Variants in LRRC31 observed in about 807,000 individuals in gnomAD.
The protein encoded by LRRC31 is leucine rich repeat containing 31, also known as leucine-rich repeat-containing protein 31.
In LRRC31, 35 loss-of-function variants were observed where a neutral mutation model predicts 46.7. The ratio of observed to expected loss-of-function variants is 0.75; its 90% CI spans 0.57 to 0.99. The LOEUF is 0.99. Among genes scored for constraint, LRRC31 ranks in the 50% least tolerant of loss-of-function variants. LRRC31 has a pLI of 0.00. For synonymous variants in LRRC31, 236 were observed against 235.1 expected (o/e 1.00, Z -0.03); for missense variants, 613 against 626.1 (o/e 0.98, Z 0.22).
chr3:169,851,017 G>T lies in LRRC31; in HGVS notation c.1159+602C>A, dbSNP rs116014244. ...CAGTAGGTTCCTGATGTAGGCTGGG[G>T]TATATCTGTGACCTTAAGGCATACC... On this transcript the variant is annotated intron_variant, in intron 7 of 8. Transcript: ENST00000316428. Among the ~76,000 whole-genome samples the T allele has an allele frequency of 4.7e-4, 71 of 152,166 alleles. 1 individual carries two copies. The highest frequency in any genetic ancestry group is 1.5e-3 in the African/African-American group (64 of 41,510).
Position 169,856,809 on chromosome 3 carries a change from C to T in LRRC31, c.551G>A (p.Gly184Glu). ...CTGAAGGATCAGAGGCAAATTTCCT[C>T]CCACTTTACTGTTCCAAGACAAATT... ...ELNLSWNSKV[G>E]GNLPLILQKF... Residue 184 changes from glycine to glutamate, a missense_variant, in exon 4 of 9, where the codon GGA becomes GAA. Coordinates refer to ENST00000316428, the MANE Select transcript of LRRC31 (RefSeq NM_024727.4). The T allele has an allele frequency of 6.2e-7, 1 of 1,609,164 alleles. No homozygotes were observed. Among genetic ancestry groups the T allele is most frequent in the South Asian group, 1.1e-5 (1 of 90,000 alleles).
chr3:169,853,130 C>T (rs1780838557), intron 6 of LRRC31: 1 of 743,380 alleles, frequency 1.3e-6, no homozygotes, highest in South Asian at 6.1e-5. Context: ...TCGGTTTACT[C>T]CTGCCCTTGC....
intron 2 of LRRC31, 146 bp downstream of exon 2, chr3:169,861,518 CAAAAAA>C: frequency 1.6e-6 from 1 of 608,648 alleles, no homozygotes; most frequent in Non-Finnish European, 2.5e-6. Context: ...GACTCCGTCT[CAAAAAA>C]AAAAAAAAAG....
At chr3:169,856,040 G>A (rs970216669) in intron 5 of LRRC31, among the ~76,000 whole-genome samples, 2 of 151,348 alleles carry the variant, frequency 1.3e-5, no homozygotes, top group Non-Finnish European at 2.9e-5. Context: ...GTACCACCAC[G>A]CCCAACTAAT....
chr3:169,856,976 C>T, intron 3 of LRRC31, 104 bp from the exon 4 acceptor site: 2 of 1,126,146 alleles, frequency 1.8e-6, no homozygotes, highest in South Asian at 1.7e-5. Context: ...GGAAACTGGG[C>T]CAGGTACTGT....
In LRRC31 at chr3:169,860,585, T is replaced by C; in HGVS notation, c.463A>G (p.Thr155Ala). ...CCCAGTGCTTGAACATCGTCAGTGG[T>C]GAGTCTGCAGCTACCCAGCCTCAAG... The part of the protein sequence containing the change: ...KILRLGSCRL[T>A]TDDVQALGEA... Residue 155 changes from threonine to alanine, a missense_variant, in exon 3 of 9, where the codon ACC becomes GCC. Physicochemically the swap from Thr to Ala is moderately conservative, Grantham distance 58 (BLOSUM62 0). Coordinates refer to ENST00000316428, the MANE Select transcript of LRRC31 (RefSeq NM_024727.4). 6.2e-7 allele frequency: 1 copy of C among 1,614,116 alleles called. No individual in the cohort carries two copies. Among genetic ancestry groups the C allele is most frequent in the Non-Finnish European group, 8.5e-7 (1 of 1,179,996 alleles).
chr3:169,844,148 A>C (rs1267748633), intron 8 of LRRC31, among the ~76,000 whole-genome samples: 1 of 152,214 alleles, frequency 6.6e-6, no homozygotes, highest in African/African-American at 2.4e-5. Flanking sequence ...AGACAAAGAC[A>C]TTATAAGAAA....
At chr3:169,860,505 G>C in intron 3 of LRRC31, 56 bp downstream of exon 3, 11 of 1,578,542 alleles carry the variant, frequency 7.0e-6, no homozygotes, top group Middle Eastern at 3.3e-4. Flanking sequence ...TAGGATTACA[G>C]CTGTGAGCCA....
Position 169,856,337 on chromosome 3 carries a change from C to T in LRRC31, c.822G>A (p.Leu274=). ...TAAATCCAGCCATTGTTAACTCACCCAATATTTTGACACTCTTTTGTGATA... is the reference window on the plus strand; with the variant it reads ...TAAATCCAGCCATTGTTAACTCACCTAATATTTTGACACTCTTTTGTGATA... ...CGLSQKSVKI[L]DAAFRYLGEL... Residue 274 remains leucine, a splice_region_variant and synonymous_variant, in exon 5 of 9, where the codon TTG becomes TTA. Coordinates refer to ENST00000316428, the MANE Select transcript of LRRC31 (RefSeq NM_024727.4). 1 of 1,556,944 alleles carries T rather than the reference C, an allele frequency of 6.4e-7. No individual in the cohort carries two copies. The highest frequency in any genetic ancestry group is 8.7e-7 in the Non-Finnish European group (1 of 1,150,868).
Position 169,848,255 on chromosome 3 carries a change from C to T in LRRC31, c.1192G>A (p.Val398Ile). Residue 398 changes from valine to isoleucine, a missense_variant, in exon 8 of 9, where the codon GTA (valine) becomes ATA (isoleucine). Transcript: ENST00000316428. ...CACTTGTTCCAAGAAAGGTTGAATA[C>T]TTCCAGAGCAGAGAGGTGAACAGAG... ...EASVHLSALE[V>I]FNLSWNKCVG... 1.9e-6 allele frequency: 3 copies of T among 1,614,244 alleles called. No individual in the cohort carries two copies. The highest frequency in any genetic ancestry group is 1.3e-5 in the African/African-American group (1 of 75,074).
intron 1 of LRRC31, 60 bp from the exon 2 acceptor site, chr3:169,861,873 A>G: frequency 6.6e-7 from 1 of 1,523,452 alleles, no homozygotes; most frequent in Non-Finnish European, 9.0e-7. Flanking sequence ...AAGATGCATA[A>G]TGACCACAAT....
intron 1 of LRRC31, among the ~76,000 whole-genome samples, chr3:169,865,377 T>TG (rs1338506792): frequency 6.6e-6 from 1 of 151,924 alleles, no homozygotes; most frequent in Non-Finnish European, 1.5e-5. Flanking sequence ...GAGGCACCCA[T>TG]GGGGGGCGCA....
chr3:169,851,290 G>C (rs1469241996), intron 7 of LRRC31, among the ~76,000 whole-genome samples: 1 of 152,104 alleles, frequency 6.6e-6, no homozygotes, highest in East Asian at 1.9e-4. Flanking sequence ...ACGTGCACCT[G>C]TGATCCCAGC....
At chr3:169,861,402 A>G (rs1781151939) in intron 2 of LRRC31, among the ~76,000 whole-genome samples, 1 of 151,706 alleles carries the variant, frequency 6.6e-6, no homozygotes, top group Non-Finnish European at 1.5e-5. Flanking sequence ...GAAAAAAGAA[A>G]AAACCTACTC....
In LRRC31 at chr3:169,854,992, G is replaced by C; in HGVS notation, c.824-12C>G. The C allele has an allele frequency of 6.2e-7, 1 of 1,602,780 alleles. No individual in the cohort carries two copies. Among genetic ancestry groups the C allele is most frequent in the East Asian group, 2.2e-5 (1 of 44,786 alleles). On this transcript the variant is annotated splice_polypyrimidine_tract_variant and intron_variant, in intron 5 of 8. Transcript: ENST00000316428. Reference sequence around the variant, plus strand: ...CCTAAAAGCAGCATCTACAAAGAAAGTCAGAATCCCATTCTGGTAGCTGGA... The same window carrying C: ...CCTAAAAGCAGCATCTACAAAGAAACTCAGAATCCCATTCTGGTAGCTGGA...
intron 3 of LRRC31, among the ~76,000 whole-genome samples, chr3:169,857,415 C>CACATATATATATATATATATATATATAT (rs1553924971): frequency 7.1e-5 from 7 of 98,670 alleles, no homozygotes; most frequent in African/African-American, 2.2e-4. Flanking sequence ...TATACATATA[C>CACATATATATATATATATATATATATAT]ATATATATAT....
At chr3:169,866,872 G>A (rs1452460525) in intron 1 of LRRC31, among the ~76,000 whole-genome samples, 1 of 152,026 alleles carries the variant, frequency 6.6e-6, no homozygotes, top group Non-Finnish European at 1.5e-5. Context: ...TGAGACAAGA[G>A]AATCACTTGA....
chr3:169,862,214 A>T (rs988479558), intron 1 of LRRC31, among the ~76,000 whole-genome samples: 4 of 152,206 alleles, frequency 2.6e-5, no homozygotes, highest in Non-Finnish European at 5.9e-5. Flanking sequence ...CTCAAACCAA[A>T]CAGGTGAAGA....
chr3:169,864,446 A>G (rs1781268657), intron 1 of LRRC31, among the ~76,000 whole-genome samples: 1 of 152,202 alleles, frequency 6.6e-6, no homozygotes, highest in Non-Finnish European at 1.5e-5. Flanking sequence ...TCCAAATCAC[A>G]GGTCTGTCTG....
Sources: gnomAD v4.1 joint callset for allele counts (sites outside exome capture counted in the v4.1 genomes callset) on GRCh38, gnomAD v4.1.1 for gene constraint, MANE v1.5 for transcripts, NCBI Gene and HGNC (gene_info 2026-07-23, HGNC 2026-07-21) for gene names.